The following ASAH2 variants were observed in gnomAD, a reference collection of about 807,000 sequenced individuals.
ASAH2 encodes N-acylsphingosine amidohydrolase 2.
In ASAH2, 58 loss-of-function variants were observed where a neutral mutation model predicts 82.9. That is an observed-to-expected ratio of 0.70 (90% confidence interval 0.57 to 0.87). The LOEUF (loss-of-function observed/expected upper bound fraction) is 0.87. ASAH2 is among the 40% of genes least tolerant of loss of function. ASAH2 has a pLI of 0.00. For synonymous variants in ASAH2, 276 were observed against 289.7 expected (o/e 0.95, Z 0.48); for missense variants, 779 against 834.0 (o/e 0.93, Z 0.81).
rs770223102 is a variant in ASAH2 at position 50,245,239 on chromosome 10, C to G, written c.343G>C (p.Val115Leu). The G allele has an allele frequency of 2.5e-6, 4 of 1,613,894 alleles. No homozygotes were observed. The South Asian group carries it at 4.4e-5, about 18-fold the overall frequency. The part of the protein sequence containing the change: ...GVGRADCTGQ[V>L]ADINLMGYGK... The stretch of plus-strand genomic sequence containing the variant: ...CTACTTGCCAAATTGATATCTGCTA[C>G]TTGTCCTGTGCAGTCAGCTCGTCCA... Residue 115 changes from valine (V) to leucine (L), a missense_variant, in exon 3 of 21, where the codon GTA becomes CTA. Val to Leu is a conservative substitution (Grantham distance 32, BLOSUM62 1). Around this residue, in one of 3 missense-constraint regions of ASAH2, gnomAD observed 759 missense variants for 755.2 expected, o/e 1.00. Coordinates refer to ENST00000682911, the MANE Select transcript of ASAH2 (RefSeq NM_019893.4).
At chr10:50,221,698 G>GATA (rs1845753046) in intron 7 of ASAH2, among the ~76,000 whole-genome samples, 42 of 147,350 alleles carry the variant, frequency 2.9e-4, no homozygotes, top group African/African-American at 8.0e-4. Context: ...ATAGATGGAT[G>GATA]GATAGATAGA....
Position 50,187,123 on chromosome 10 carries a change from C to A in ASAH2, c.*192G>T. ...TCTCTCTCTCTCTCTCTCTCTCACA[C>A]ACACACACACACACACACACACACA... On this transcript the variant is annotated 3_prime_UTR_variant, in exon 21 of 21. Transcript: ENST00000682911. 9.5e-5 allele frequency: 3 copies of A among 31,470 alleles called. No homozygotes were observed. Among genetic ancestry groups the A allele is most frequent in the Non-Finnish European group, 2.5e-4 (3 of 11,890 alleles). 1.9% of individuals were successfully genotyped at this position (31,470 alleles called of 1,614,324 possible).
chr10:50,203,006 A>G (rs1845196709), intron 15 of ASAH2, 82 bp from the exon 16 acceptor site: 2 of 951,366 alleles, frequency 2.1e-6, no homozygotes, highest in Non-Finnish European at 3.4e-6. Flanking sequence ...ACACACAAGC[A>G]TTGATTACAC....
At chr10:50,202,947 A>G in intron 15 of ASAH2, 23 bp from the exon 16 acceptor site, 1 of 1,439,228 alleles carries the variant, frequency 6.9e-7, no homozygotes, top group Non-Finnish European at 9.8e-7. Flanking sequence ...GGTAAAACCC[A>G]ATAAAATTAC....
At chr10:50,214,164 T>A in intron 9 of ASAH2, among the ~76,000 whole-genome samples, 1 of 152,288 alleles carries the variant, frequency 6.6e-6, no homozygotes, top group Admixed American at 6.5e-5. Context: ...AGTCATATAA[T>A]GTTGTTTATG....
intron 1 of ASAH2, among the ~76,000 whole-genome samples, chr10:50,249,679 T>G (rs960730303): frequency 6.6e-6 from 1 of 152,220 alleles, no homozygotes; most frequent in African/African-American, 2.4e-5. Flanking sequence ...GCAACAGTAC[T>G]TCTTTTGTTC....
chr10:50,229,013 C>T (rs1845962251), intron 7 of ASAH2, among the ~76,000 whole-genome samples: 2 of 152,146 alleles, frequency 1.3e-5, no homozygotes, highest in African/African-American at 4.8e-5. Flanking sequence ...GAGCTGCCTT[C>T]GTAAGTGTAG....
At chr10:50,226,773 C>T (rs1043408440) in intron 7 of ASAH2, among the ~76,000 whole-genome samples, 3 of 151,970 alleles carry the variant, frequency 2.0e-5, no homozygotes, top group East Asian at 1.9e-4. Context: ...AGCACTGGCA[C>T]GGTATCATTT....
chr10:50,215,815 A>G (rs1044690037), intron 8 of ASAH2, among the ~76,000 whole-genome samples: 106 of 152,328 alleles, frequency 7.0e-4, no homozygotes, highest in African/African-American at 2.4e-3. Context: ...TACTGGGTAT[A>G]TACCCAAAGG....
At chr10:50,203,706 C>G (rs1287506753) in intron 14 of ASAH2, 27 bp from the exon 15 acceptor site, 19 of 1,608,310 alleles carry the variant, frequency 1.2e-5, no homozygotes, top group Non-Finnish European at 1.6e-5. Flanking sequence ...ATTATGTAAA[C>G]GTTTTCCTAC....
intron 15 of ASAH2, among the ~76,000 whole-genome samples, 198 bp downstream of exon 15, chr10:50,203,442 C>T (rs1466488454): frequency 6.6e-6 from 1 of 151,784 alleles, no homozygotes; most frequent in African/African-American, 2.4e-5. Context: ...TACATAAATA[C>T]CAATAAAATA....
Position 50,245,299 on chromosome 10 carries a change from G to A in ASAH2, c.283C>T (p.Leu95=). Residue 95 remains leucine (L), a synonymous_variant, in exon 3 of 21, where the codon CTA becomes TTA. Coordinates refer to ENST00000682911, the MANE Select transcript of ASAH2 (RefSeq NM_019893.4). ...TGGTAGCCACTGAAGTTCTGAAATA[G>A]AGGAGACTCTGGGGTTAAAGGCACT... The part of the protein sequence containing the change: ...SPVPLTPESP[L]FQNFSGYHIG... 1 of 1,614,104 alleles carries A rather than the reference G, an allele frequency of 6.2e-7. No homozygotes were observed. The highest frequency in any genetic ancestry group is 8.5e-7 in the Non-Finnish European group (1 of 1,180,006).
At chr10:50,219,893 A>G (rs1845698359) in intron 7 of ASAH2, among the ~76,000 whole-genome samples, 1 of 152,232 alleles carries the variant, frequency 6.6e-6, no homozygotes. Flanking sequence ...GCCTCTACTC[A>G]GCTCCAGCCA....
At chr10:50,241,139 C>T (rs1361302333) in intron 4 of ASAH2, among the ~76,000 whole-genome samples, 2 of 152,140 alleles carry the variant, frequency 1.3e-5, no homozygotes, top group African/African-American at 4.8e-5. Flanking sequence ...TGGAAGTGGA[C>T]CTTCAAGCCT....
At chr10:50,235,591 G>A (rs1449401512) in intron 5 of ASAH2, among the ~76,000 whole-genome samples, 1 of 152,058 alleles carries the variant, frequency 6.6e-6, no homozygotes, top group Non-Finnish European at 1.5e-5. Flanking sequence ...GCAAAGAACA[G>A]GCCATGTAGT....
intron 18 of ASAH2, among the ~76,000 whole-genome samples, chr10:50,195,021 C>G (rs1589318755): frequency 1.4e-5 from 2 of 147,882 alleles, no homozygotes; most frequent in South Asian, 4.3e-4. Flanking sequence ...AATGCAAAAG[C>G]AACAAAAGCA....
In ASAH2 at chr10:50,212,968, T is replaced by C; in HGVS notation, c.1227+4A>G. The C allele has an allele frequency of 6.2e-7, 1 of 1,613,100 alleles. No individual in the cohort carries two copies. The highest frequency in any genetic ancestry group is 8.5e-7 in the Non-Finnish European group (1 of 1,179,108). ...AGATTAAAGGAGCGAGGCCCATGGCTTACCTTTGCTCTCTGATACATGGCC... is the reference window on the plus strand; with the variant it reads ...AGATTAAAGGAGCGAGGCCCATGGCCTACCTTTGCTCTCTGATACATGGCC... On this transcript the variant is annotated splice_donor_region_variant and intron_variant, in intron 10 of 20. Transcript: ENST00000682911.
At chr10:50,226,539 A>G (rs1292239824) in intron 7 of ASAH2, among the ~76,000 whole-genome samples, 1 of 152,070 alleles carries the variant, frequency 6.6e-6, no homozygotes, top group Non-Finnish European at 1.5e-5. Flanking sequence ...AAGGTAAACT[A>G]TGGGTGATGA....
At position 50,212,986 on chromosome 10, in the gene ASAH2, A is replaced by G; in HGVS notation, c.1213T>C (p.Tyr405His). The G allele has an allele frequency of 6.2e-7, 1 of 1,613,694 alleles. No individual in the cohort carries two copies. The highest frequency in any genetic ancestry group is 1.3e-5 in the African/African-American group (1 of 75,034). ...DSTQIIGRAM[Y>H]QRAKELYASA... ...CCATGGCTTACCTTTGCTCTCTGAT[A>G]CATGGCCCGTCCTATAATTTGTGTG... is the stretch of plus-strand genomic sequence containing the variant. Residue 405 changes from tyrosine (Y) to histidine (H), a missense_variant, in exon 10 of 21, where the codon TAT becomes CAT. Transcript: ENST00000682911.
Sources: allele counts gnomAD v4.1 joint callset (sites outside exome capture counted in the v4.1 genomes callset), GRCh38; gene constraint gnomAD v4.1.1; regional missense constraint gnomAD v4.1.1; transcripts MANE v1.5; gene names NCBI Gene and HGNC (gene_info 2026-07-23, HGNC 2026-07-21).